The following ABCB7 variants were observed in gnomAD, a reference collection of about 807,000 sequenced individuals.
ABCB7 encodes ATP binding cassette subfamily B member 7.
In ABCB7, 7 loss-of-function variants were observed where a neutral mutation model predicts 54.4. The observed-to-expected ratio is 0.13, with a 90% CI of 0.07 to 0.24. The LOEUF (loss-of-function observed/expected upper bound fraction) is 0.24. ABCB7 is among the 10% of genes least tolerant of loss of function. The pLI is 1.00. For missense variants in ABCB7, 356 were observed against 570.4 expected (o/e 0.62, Z 3.83); for synonymous variants, 218 against 207.1 (o/e 1.05, Z -0.45).
intron 4 of ABCB7, among the ~76,000 whole-genome samples, chrX:75,098,164 C>T (rs2081607579): frequency 9.1e-6 from 1 of 110,287 alleles, no homozygotes; most frequent in African/African-American, 3.3e-5. Flanking sequence ...CAAAAATTAG[C>T]TGGGCATGGT....
chrX:75,108,082 G>A (rs2081720999), intron 3 of ABCB7, among the ~76,000 whole-genome samples: 2 of 111,380 alleles, frequency 1.8e-5, no homozygotes, highest in African/African-American at 3.3e-5. Flanking sequence ...GTGACCTGTG[G>A]TGGCTGTGGC....
At chrX:75,122,842 T>C (rs1394400155) in intron 1 of ABCB7, among the ~76,000 whole-genome samples, 1 of 94,779 alleles carries the variant, frequency 1.1e-5, no homozygotes, top group African/African-American at 3.9e-5. Flanking sequence ...TTCAAGTCCT[T>C]TGCCCATTTT....
chrX:75,114,963 C>T (rs1181575894), intron 1 of ABCB7, 132 bp from the exon 2 acceptor site: 6 of 539,301 alleles, frequency 1.1e-5, no homozygotes, highest in East Asian at 5.4e-5. Context: ...ATGCTTTTAA[C>T]GTATGCCTAA....
intron 1 of ABCB7, among the ~76,000 whole-genome samples, chrX:75,124,506 G>T (rs904535318): frequency 7.1e-5 from 8 of 112,069 alleles, no homozygotes; most frequent in Non-Finnish European, 1.5e-4. Flanking sequence ...ATTCCAAGCT[G>T]CTTGCTACTA....
At chrX:75,060,357 G>C in intron 14 of ABCB7, 27 bp from the exon 15 acceptor site, 1 of 1,062,188 alleles carries the variant, frequency 9.4e-7, no homozygotes, top group Non-Finnish European at 1.3e-6. Context: ...ATGAAGAACA[G>C]GAGAAAATAA....
At position 75,076,422 on chromosome X, in the gene ABCB7, G is replaced by A. The variant is rs985038961; in HGVS notation, c.586+100C>T. 1.7e-5 allele frequency: 17 copies of A among 1,024,196 alleles called. No homozygotes were observed. The East Asian group carries it at 2.5e-4, about 15-fold the overall frequency. 84.4% of individuals were successfully genotyped at this position (1,024,196 alleles called of 1,213,427 possible). A position where few individuals can be genotyped will look rare whatever the true frequency, so the allele number is the denominator to read the frequency against. On this transcript the variant is annotated intron_variant, in intron 5 of 15. Coordinates refer to ENST00000373394, the MANE Select transcript of ABCB7 (RefSeq NM_001271696.3). ...ACATAAAACAACAAACATCCAAAAC[G>A]CTAAGTTGTGTTTGTAGTGAAAAGG...
At chrX:75,132,876 A>C (rs373962513) in intron 1 of ABCB7, among the ~76,000 whole-genome samples, 2 of 111,973 alleles carry the variant, frequency 1.8e-5, no homozygotes, top group East Asian at 5.6e-4. Context: ...CAGCCCACAC[A>C]GATGAGAAAG....
At chrX:75,096,234 G>T (rs2081589743) in intron 4 of ABCB7, among the ~76,000 whole-genome samples, 1 of 112,182 alleles carries the variant, frequency 8.9e-6, no homozygotes, top group South Asian at 3.7e-4. Context: ...AATTACATTT[G>T]TAATATTGTT....
chrX:75,115,793 G>C (rs753813110), intron 1 of ABCB7, among the ~76,000 whole-genome samples: 32 of 107,405 alleles, frequency 3.0e-4, no homozygotes, highest in African/African-American at 6.1e-4. Flanking sequence ...TGTTGGGGGG[G>C]GGGGCACGGG....
intron 1 of ABCB7, among the ~76,000 whole-genome samples, chrX:75,145,174 C>T (rs1302355359): frequency 9.0e-6 from 1 of 111,210 alleles, no homozygotes; most frequent in African/African-American, 3.3e-5. Context: ...GAGCTGGTAC[C>T]ATTCATACTG....
intron 14 of ABCB7, 105 bp from the exon 15 acceptor site, chrX:75,060,435 G>A (rs1354687064): frequency 1.6e-6 from 1 of 635,537 alleles, no homozygotes; most frequent in Non-Finnish European, 2.5e-6. Flanking sequence ...CATAAAAAAT[G>A]CCAGTTTTTT....
At chrX:75,145,992 A>G (rs1340190498) in intron 1 of ABCB7, among the ~76,000 whole-genome samples, 3 of 111,778 alleles carry the variant, frequency 2.7e-5, no homozygotes, top group Non-Finnish European at 5.6e-5. Context: ...AAAAACAAAA[A>G]TCACTAGCAT....
At chrX:75,115,938 G>C (rs1423117039) in intron 1 of ABCB7, among the ~76,000 whole-genome samples, 2 of 111,289 alleles carry the variant, frequency 1.8e-5, no homozygotes, top group Non-Finnish European at 3.8e-5. Context: ...ATTCCAACCT[G>C]ACTGCTATAG....
At chrX:75,102,978 AT>A (rs747545043) in intron 3 of ABCB7, among the ~76,000 whole-genome samples, 3 of 109,733 alleles carry the variant, frequency 2.7e-5, no homozygotes, top group African/African-American at 9.9e-5. Flanking sequence ...TTTTTAATTG[AT>A]TTTTTTATTA....
intron 1 of ABCB7, among the ~76,000 whole-genome samples, chrX:75,133,176 A>T (rs965582814): frequency 2.7e-5 from 3 of 112,300 alleles, no homozygotes; most frequent in Non-Finnish European, 5.6e-5. Flanking sequence ...TCTCTACAAG[A>T]TTTCGAAACA....
chrX:75,138,246 A>T (rs1278525001), intron 1 of ABCB7, among the ~76,000 whole-genome samples: 2 of 110,631 alleles, frequency 1.8e-5, no homozygotes, highest in Non-Finnish European at 3.8e-5. Flanking sequence ...ACACACACAC[A>T]CACACACACA....
chrX:75,058,091 T>C (rs1166323191), intron 15 of ABCB7, among the ~76,000 whole-genome samples: 3 of 111,521 alleles, frequency 2.7e-5, no homozygotes, highest in Admixed American at 9.5e-5. Context: ...GAACTTTATT[T>C]CTTATGTAGT....
chrX:75,104,070 T>G (rs2081666934), intron 3 of ABCB7, among the ~76,000 whole-genome samples: 1 of 75,838 alleles, frequency 1.3e-5, no homozygotes, highest in African/African-American at 5.2e-5. Flanking sequence ...TTTTTTTTTT[T>G]TTTTTTTTTT....
At chrX:75,133,193 G>A (rs1334476059) in intron 1 of ABCB7, among the ~76,000 whole-genome samples, 2 of 111,782 alleles carry the variant, frequency 1.8e-5, no homozygotes, top group Non-Finnish European at 3.8e-5. Flanking sequence ...AACACAAGGG[G>A]GAGTATTAAC....
Sources: allele counts gnomAD v4.1 joint callset (sites outside exome capture counted in the v4.1 genomes callset), GRCh38; gene constraint gnomAD v4.1.1; transcripts MANE v1.5; gene names NCBI Gene and HGNC (gene_info 2026-07-23, HGNC 2026-07-21).